PABPC4L: variants seen among roughly 807,000 people sequenced by gnomAD.
The protein encoded by PABPC4L is poly(A) binding protein cytoplasmic 4 like, also known as polyadenylate-binding protein 4-like.
For synonymous variants in PABPC4L, 169 were observed against 164.1 expected (o/e 1.03, Z -0.23); for missense variants, 452 against 451.4 (o/e 1.00, Z -0.01).
the PABPC4L span, among the ~76,000 whole-genome samples, chr4:134,126,028 G>A: frequency 6.6e-6 from 1 of 152,078 alleles, no homozygotes; most frequent in African/African-American, 2.4e-5. Flanking sequence ...GTAGACTTCT[G>A]AATATTGAAA....
the PABPC4L span, among the ~76,000 whole-genome samples, chr4:134,072,309 G>A: frequency 6.6e-6 from 1 of 152,096 alleles, no homozygotes; most frequent in Non-Finnish European, 1.5e-5. Context: ...ATGTGAGTCT[G>A]TCAACAATGA....
the PABPC4L span, among the ~76,000 whole-genome samples, chr4:134,138,576 T>C: frequency 1.1e-4 from 17 of 151,778 alleles, no homozygotes; most frequent in Non-Finnish European, 1.9e-4. Context: ...GCTTTTTCAG[T>C]GGTAGGGGAT....
the PABPC4L span, among the ~76,000 whole-genome samples, chr4:134,169,088 CAA>C: frequency 6.6e-5 from 10 of 152,132 alleles, no homozygotes; most frequent in East Asian, 1.7e-3. Flanking sequence ...AACAACTATT[CAA>C]AAGACCATTA....
the PABPC4L span, among the ~76,000 whole-genome samples, chr4:134,178,766 A>G: frequency 6.6e-6 from 1 of 152,212 alleles, no homozygotes; most frequent in Non-Finnish European, 1.5e-5. Context: ...AAGTATTAAC[A>G]GCAGTATCAA....
chr4:133,956,108 T>A, the PABPC4L span, among the ~76,000 whole-genome samples: 3 of 152,270 alleles, frequency 2.0e-5, no homozygotes, highest in South Asian at 6.2e-4. Context: ...TTTTTCTCAT[T>A]AACTTAACAG....
the PABPC4L span, among the ~76,000 whole-genome samples, chr4:134,052,118 G>A: frequency 6.6e-6 from 1 of 151,942 alleles, no homozygotes; most frequent in Non-Finnish European, 1.5e-5. Flanking sequence ...AAAGAGCCTG[G>A]GAATGTCCCC....
chr4:134,119,164 T>C, the PABPC4L span, among the ~76,000 whole-genome samples: 4 of 151,838 alleles, frequency 2.6e-5, no homozygotes, highest in Non-Finnish European at 3.0e-5. Context: ...AAGATGTTAA[T>C]GTAAAAGTCT....
the PABPC4L span, among the ~76,000 whole-genome samples, chr4:134,184,612 A>G: frequency 6.6e-6 from 1 of 151,996 alleles, no homozygotes; most frequent in African/African-American, 2.4e-5. Flanking sequence ...CACTGTGTGC[A>G]TGTATCACCA....
the PABPC4L span, among the ~76,000 whole-genome samples, chr4:134,012,983 A>G: frequency 6.6e-6 from 1 of 152,022 alleles, no homozygotes; most frequent in Non-Finnish European, 1.5e-5. Context: ...TTGGTGTTTA[A>G]TCATTGCAGG....
At chr4:134,003,549 A>C in the PABPC4L span, among the ~76,000 whole-genome samples, 1 of 151,944 alleles carries the variant, frequency 6.6e-6, no homozygotes, top group Admixed American at 6.6e-5. Flanking sequence ...AATTTTTAAA[A>C]GTCTCATTCA....
At chr4:134,082,564 A>T in the PABPC4L span, among the ~76,000 whole-genome samples, 1 of 152,116 alleles carries the variant, frequency 6.6e-6, no homozygotes, top group African/African-American at 2.4e-5. Context: ...AATTTTTATA[A>T]TTGAAAAAAG....
chr4:134,083,280 G>T, the PABPC4L span, among the ~76,000 whole-genome samples: 124,830 of 152,100 alleles, frequency 0.82, 51,784 homozygotes, highest in East Asian at 1. Flanking sequence ...GTTATAAGCT[G>T]TAACCTATAT....
the PABPC4L span, among the ~76,000 whole-genome samples, chr4:134,137,601 A>G: frequency 6.6e-6 from 1 of 151,892 alleles, no homozygotes; most frequent in Admixed American, 6.6e-5. Flanking sequence ...ACAAAAATTC[A>G]AAACCCTGGA....
At chr4:134,079,701 G>A in the PABPC4L span, among the ~76,000 whole-genome samples, 4 of 150,456 alleles carry the variant, frequency 2.7e-5, no homozygotes, top group Non-Finnish European at 5.9e-5. Context: ...GTGTGTGAGA[G>A]AGAGAGAGAG....
chr4:134,190,641 A>G, the PABPC4L span, among the ~76,000 whole-genome samples: 1 of 152,014 alleles, frequency 6.6e-6, no homozygotes, highest in Admixed American at 6.6e-5. Context: ...ACAATACTCA[A>G]TTCATATATA....
chr4:134,129,093 T>C, the PABPC4L span, among the ~76,000 whole-genome samples: 1 of 152,066 alleles, frequency 6.6e-6, no homozygotes, highest in Non-Finnish European at 1.5e-5. Context: ...CATTATATAA[T>C]GATAAAAGGA....
the PABPC4L span, among the ~76,000 whole-genome samples, chr4:134,126,384 TCCTTTTGAATATG>T: frequency 3.3e-5 from 5 of 152,096 alleles, no homozygotes; most frequent in Non-Finnish European, 5.9e-5. Flanking sequence ...CTTATCAGAG[TCCTTTTGAATATG>T]CCTTTTGAAT....
chr4:134,047,714 C>T, the PABPC4L span, among the ~76,000 whole-genome samples: 7 of 151,738 alleles, frequency 4.6e-5, no homozygotes, highest in South Asian at 4.1e-4. Flanking sequence ...TCTGCCCTCC[C>T]GAGGGTTGTG....
chr4:133,954,583 A>T, the PABPC4L span, among the ~76,000 whole-genome samples: 1 of 152,090 alleles, frequency 6.6e-6, no homozygotes, highest in African/African-American at 2.4e-5. Flanking sequence ...ATACAGGTGA[A>T]TATCAAAGGG....
Sources: gnomAD v4.1 joint callset for allele counts (sites outside exome capture counted in the v4.1 genomes callset) on GRCh38, gnomAD v4.1.1 for gene constraint, MANE v1.5 for transcripts, NCBI Gene and HGNC (gene_info 2026-07-23, HGNC 2026-07-21) for gene names.